Variants in BMPER observed in about 807,000 individuals in gnomAD.
BMPER encodes the protein BMP-binding endothelial regulator protein.
Under a neutral mutation model 87.3 loss-of-function variants are expected in BMPER, and 45 were observed. The observed-to-expected ratio is 0.52, with a 90% confidence interval of 0.41 to 0.66. The LOEUF is 0.66. Ranked by LOEUF, BMPER falls within the 30% of genes least tolerant of loss-of-function variation. The pLI is 0.00. For missense variants in BMPER, 784 were observed against 867.5 expected, an observed-to-expected ratio of 0.90 and a Z score of 1.21; for synonymous variants, 326 against 316.2, an observed-to-expected ratio of 1.03 and a Z score of -0.33.
intron 3 of BMPER, among the ~76,000 whole-genome samples, chr7:33,949,573 T>C (rs1200832323): frequency 6.6e-6 from 1 of 152,110 alleles, no homozygotes; most frequent in African/African-American, 2.4e-5. Context: ...CTCCCCACCA[T>C]TGAGCTACTC....
chr7:33,954,759 G>A (rs1446702017), intron 3 of BMPER, among the ~76,000 whole-genome samples: 1 of 152,204 alleles, frequency 6.6e-6, no homozygotes, highest in Non-Finnish European at 1.5e-5. Flanking sequence ...ATTCCAGCTT[G>A]GATGAGGTGT....
At chr7:34,043,706 G>T (rs1382971758) in intron 6 of BMPER, among the ~76,000 whole-genome samples, 1 of 152,240 alleles carries the variant, frequency 6.6e-6, no homozygotes, top group African/African-American at 2.4e-5. Context: ...CCCAGGATAT[G>T]ATAGGCCTTA....
intron 3 of BMPER, among the ~76,000 whole-genome samples, chr7:33,955,691 G>T (rs1313550285): frequency 2.0e-5 from 3 of 152,170 alleles, no homozygotes; most frequent in African/African-American, 7.2e-5. Context: ...CCTAGCAGGG[G>T]TATTTTGTAG....
chr7:33,995,080 A>G (rs771335678), intron 6 of BMPER, among the ~76,000 whole-genome samples: 15 of 152,194 alleles, frequency 9.9e-5, no homozygotes, highest in African/African-American at 1.7e-4. Context: ...GGGATATGGG[A>G]ATTTTTATAA....
At chr7:33,926,162 G>C (rs1194050035) in intron 2 of BMPER, among the ~76,000 whole-genome samples, 1 of 152,160 alleles carries the variant, frequency 6.6e-6, no homozygotes, top group Non-Finnish European at 1.5e-5. Context: ...ACCTGGCATA[G>C]TACCTGGCCT....
chr7:34,129,378 T>G (rs1229036176), intron 13 of BMPER, among the ~76,000 whole-genome samples: 1 of 151,504 alleles, frequency 6.6e-6, no homozygotes, highest in African/African-American at 2.4e-5. Context: ...GGTGCACACT[T>G]ATAGTCCCAG....
intron 8 of BMPER, among the ~76,000 whole-genome samples, chr7:34,052,208 C>A (rs1180282467): frequency 6.6e-6 from 1 of 152,174 alleles, no homozygotes; most frequent in Non-Finnish European, 1.5e-5. Context: ...GAATCAGGCT[C>A]CAAGGGCCTG....
Position 34,078,971 on chromosome 7 carries a change from C to A in BMPER, c.1193C>A (p.Ala398Asp), listed in dbSNP as rs1315013742. The A allele has an allele frequency of 2.5e-6, 4 of 1,614,230 alleles. No individual in the cohort carries two copies. Among genetic ancestry groups the A allele is most frequent in the Non-Finnish European group, 3.4e-6 (4 of 1,180,046 alleles). ...YVLTKDCSSP[A>D]SPFQVLVKND... Reference sequence around the variant, plus strand: ...TTGACAAAAGACTGCTCCTCCCCTGCCTCGCCCTTCCAGGTGCTGGTGAAG... The same window carrying A: ...TTGACAAAAGACTGCTCCTCCCCTGACTCGCCCTTCCAGGTGCTGGTGAAG... Residue 398 changes from alanine (A) to aspartate (D), a missense_variant, in exon 12 of 15, where the codon GCC becomes GAC. Ala to Asp is a moderately radical substitution (Grantham distance 126). Transcript: ENST00000649409.
At chr7:34,094,093 T>A (rs570900421) in intron 13 of BMPER, among the ~76,000 whole-genome samples, 2 of 152,248 alleles carry the variant, frequency 1.3e-5, no homozygotes, top group African/African-American at 4.8e-5. Context: ...TGTACACACT[T>A]CTATCACTGT....
chr7:34,149,643 A>G (rs78588494), intron 14 of BMPER, among the ~76,000 whole-genome samples: 3,560 of 152,176 alleles, frequency 0.023, 124 homozygotes, highest in African/African-American at 0.08. Flanking sequence ...CCCGAGAGAG[A>G]GAGAGAAGGT....
intron 9 of BMPER, among the ~76,000 whole-genome samples, chr7:34,055,525 T>C (rs1788261628): frequency 6.6e-6 from 1 of 152,232 alleles, no homozygotes; most frequent in African/African-American, 2.4e-5. Context: ...GTCTGAAAGA[T>C]GTTTTTCTTG....
intron 6 of BMPER, among the ~76,000 whole-genome samples, chr7:33,981,076 C>G (rs1393626442): frequency 6.6e-6 from 1 of 152,158 alleles, no homozygotes; most frequent in East Asian, 1.9e-4. Flanking sequence ...CATCACTGTC[C>G]CTCATCCTTG....
chr7:33,909,205 T>C (rs895662784), intron 2 of BMPER, among the ~76,000 whole-genome samples: 2 of 152,202 alleles, frequency 1.3e-5, no homozygotes, highest in Admixed American at 6.5e-5. Context: ...ATGAGGAAAC[T>C]GAGGCATAGG....
chr7:33,984,585 A>G (rs2127919813), intron 6 of BMPER, among the ~76,000 whole-genome samples: 2 of 152,294 alleles, frequency 1.3e-5, no homozygotes, highest in South Asian at 4.1e-4. Context: ...TCACCTAGAC[A>G]TAGCTTTCAG....
At chr7:33,951,680 AAT>A (rs2128613344) in intron 3 of BMPER, among the ~76,000 whole-genome samples, 1 of 152,296 alleles carries the variant, frequency 6.6e-6, no homozygotes, top group East Asian at 1.9e-4. Context: ...CTGCCCCCTG[AAT>A]ATATGTTGGA....
intron 2 of BMPER, among the ~76,000 whole-genome samples, chr7:33,919,288 T>C (rs887930725): frequency 2.6e-5 from 4 of 152,190 alleles, no homozygotes; most frequent in African/African-American, 4.8e-5. Flanking sequence ...TGAGGACTTT[T>C]AGACTTTTTC....
chr7:34,152,603 T>C (rs1423465617), intron 14 of BMPER, among the ~76,000 whole-genome samples: 4 of 152,180 alleles, frequency 2.6e-5, no homozygotes, highest in Non-Finnish European at 5.9e-5. Context: ...TTAAATTTAT[T>C]AATTTAACAC....
At chr7:33,997,582 A>T (rs757112752) in intron 6 of BMPER, among the ~76,000 whole-genome samples, 3 of 152,148 alleles carry the variant, frequency 2.0e-5, no homozygotes, top group African/African-American at 2.4e-5. Context: ...CTCCTCAGCC[A>T]TGTAGAAGTG....
intron 1 of BMPER, 67 bp downstream of exon 1, chr7:33,905,813 T>C: frequency 1.8e-6 from 1 of 568,486 alleles, no homozygotes; most frequent in East Asian, 6.0e-5. Flanking sequence ...AAGGTGGCGC[T>C]GGCTTGCCCC....
Sources: allele counts gnomAD v4.1 joint callset (sites outside exome capture counted in the v4.1 genomes callset), GRCh38; gene constraint gnomAD v4.1.1; transcripts MANE v1.5; gene names NCBI Gene and HGNC (gene_info 2026-07-23, HGNC 2026-07-21).